Variants in SLC12A2 observed in about 807,000 individuals in gnomAD.
The protein encoded by SLC12A2 is Na-K-2Cl cotransporter 1.
A neutral mutation model predicts 136.3 loss-of-function variants in SLC12A2; 67 were observed. The ratio of observed to expected loss-of-function variants is 0.49; its 90% confidence interval spans 0.40 to 0.60. The LOEUF is 0.60. Ranked by LOEUF, SLC12A2 falls within the 20% of genes least tolerant of loss-of-function variation. The pLI is 0.00. For missense variants in SLC12A2, 1,322 were observed against 1,534.7 expected (o/e 0.86, Z 2.32); for synonymous variants, 619 against 562.9 (o/e 1.10, Z -1.41).
intron 1 of SLC12A2, among the ~76,000 whole-genome samples, chr5:128,087,273 A>G (rs1760137442): frequency 6.6e-6 from 1 of 152,214 alleles, no homozygotes; most frequent in Admixed American, 6.5e-5. Flanking sequence ...GGTATCTTAG[A>G]TGTTGACAAC....
chr5:128,143,632 T>A (rs948499320), intron 10 of SLC12A2, among the ~76,000 whole-genome samples: 2 of 152,162 alleles, frequency 1.3e-5, no homozygotes, highest in African/African-American at 4.8e-5. Context: ...AGTTGTTTGT[T>A]AAGTCCTAGG....
At position 128,138,817 on chromosome 5, in the gene SLC12A2, C is replaced by T. The variant is rs982985395; in HGVS notation, c.1537-7C>T. The T allele has an allele frequency of 3.7e-6, 6 of 1,609,602 alleles. No individual in the cohort carries two copies. The Admixed American group carries it at 1.0e-4, about 27-fold the overall frequency. The stretch of plus-strand genomic sequence containing the variant: ...GATAGACTTTAAAAAATCTTCTTGT[C>T]TTCTAGGATCCTCAGTCAGCCATAC... On this transcript the variant is annotated splice_region_variant and splice_polypyrimidine_tract_variant and intron_variant, in intron 8 of 26. Coordinates refer to ENST00000262461, the MANE Select transcript of SLC12A2 (RefSeq NM_001046.3).
chr5:128,103,628 G>A (rs890337353), intron 1 of SLC12A2, among the ~76,000 whole-genome samples: 1 of 152,036 alleles, frequency 6.6e-6, no homozygotes, highest in Non-Finnish European at 1.5e-5. Context: ...AGAAATAAAC[G>A]GGACTAAGAA....
rs1486260326 is a variant in SLC12A2 at position 128,126,962 on chromosome 5, A to ATT, written c.1049-4104_1049-4103insTT. ...CCTACATATATATATATATATATATATATATTTTTTTTTTTTTTTTTTTTT... is the reference window on the plus strand; with the variant it reads ...CCTACATATATATATATATATATATATTTATATTTTTTTTTTTTTTTTTTTTT... On this transcript the variant is annotated intron_variant, in intron 4 of 26. Coordinates refer to ENST00000262461, the MANE Select transcript of SLC12A2 (RefSeq NM_001046.3). 2.2e-3 allele frequency among the ~76,000 whole-genome samples: 52 copies of ATT among 23,302 alleles called. 4 individuals are homozygous for ATT. Among genetic ancestry groups the ATT allele is most frequent in the East Asian group, 7.4e-3 (13 of 1,762 alleles). 15.3% of individuals were successfully genotyped at this position (23,302 alleles called of 152,430 possible).
rs1195010572 is a variant in SLC12A2 at position 128,152,707 on chromosome 5, T to A, written c.2265T>A (p.Asp755Glu). ...LYIYVTYKKP[D>E]VNWGSSTQAL... Reference sequence around the variant, plus strand: ...TGCATGAACATTATCTTCCCACAGATGTGAATTGGGGATCCTCTACACAAG... The same window carrying A: ...TGCATGAACATTATCTTCCCACAGAAGTGAATTGGGGATCCTCTACACAAG... The change falls in exon 15 of 27, where the codon GAT becomes GAA. Residue 755 changes from aspartate to glutamate, a missense_variant and splice_region_variant. Coordinates refer to ENST00000262461, the MANE Select transcript of SLC12A2 (RefSeq NM_001046.3). 6.3e-7 allele frequency: 1 copy of A among 1,597,160 alleles called. No individual in the cohort carries two copies. The highest frequency in any genetic ancestry group is 1.1e-5 in the South Asian group (1 of 90,712).
intron 25 of SLC12A2, 120 bp from the exon 26 acceptor site, chr5:128,184,669 C>CA: frequency 6.7e-7 from 1 of 1,498,034 alleles, no homozygotes; most frequent in Non-Finnish European, 9.1e-7. Flanking sequence ...AAATAGAGAA[C>CA]AGATATTTTT....
chr5:128,126,357 TC>T (rs543613541), intron 4 of SLC12A2, among the ~76,000 whole-genome samples: 339 of 152,162 alleles, frequency 2.2e-3, no homozygotes, highest in Non-Finnish European at 3.9e-3. Flanking sequence ...GAAATGCAAA[TC>T]ATATAAAGAA....
At chr5:128,114,551 G>T (rs60090361) in intron 3 of SLC12A2, 35 bp from the exon 4 acceptor site, 37 of 1,363,882 alleles carry the variant, frequency 2.7e-5, no homozygotes, top group Non-Finnish European at 3.8e-5. Context: ...AAACAAGAGT[G>T]TAAGTATTCT....
intron 16 of SLC12A2, among the ~76,000 whole-genome samples, chr5:128,160,843 T>TTGTGTG (rs145223863): frequency 2.2e-4 from 33 of 147,458 alleles, no homozygotes; most frequent in African/African-American, 7.4e-4. Flanking sequence ...GGGTGTGTGT[T>TTGTGTG]TGTGTGTGTG....
chr5:128,170,663 A>G (rs539148220), intron 18 of SLC12A2: 16 of 152,320 alleles, frequency 1.1e-4, no homozygotes, highest in African/African-American at 3.4e-4. Flanking sequence ...ACGTTTTGGA[A>G]TTTAAAATTT....
At chr5:128,105,003 A>T (rs1040032636) in intron 1 of SLC12A2, among the ~76,000 whole-genome samples, 3 of 151,196 alleles carry the variant, frequency 2.0e-5, no homozygotes, top group African/African-American at 7.4e-5. Flanking sequence ...TTGACTCATT[A>T]TAACATGTGG....
At chr5:128,088,726 T>C (rs1335998035) in intron 1 of SLC12A2, among the ~76,000 whole-genome samples, 4 of 152,240 alleles carry the variant, frequency 2.6e-5, no homozygotes, top group African/African-American at 9.6e-5. Flanking sequence ...ATATGATTCC[T>C]GTATTTTTGC....
chr5:128,155,404 A>G (rs1388242144), intron 15 of SLC12A2, among the ~76,000 whole-genome samples: 3 of 151,996 alleles, frequency 2.0e-5, no homozygotes, highest in Admixed American at 6.6e-5. Flanking sequence ...CATCCTCCCA[A>G]TACATTTTAT....
At chr5:128,110,875 T>C in intron 1 of SLC12A2, 3 of 1,316,484 alleles carry the variant, frequency 2.3e-6, no homozygotes, top group Non-Finnish European at 2.2e-6. Context: ...TTTCCAGGAA[T>C]ATGCCAATTT....
chr5:128,166,768 CT>C (rs1159666825), intron 17 of SLC12A2, among the ~76,000 whole-genome samples: 1 of 151,946 alleles, frequency 6.6e-6, no homozygotes, highest in Admixed American at 6.6e-5. Context: ...ATAATTAATA[CT>C]ATTGAATTGT....
At position 128,150,156 on chromosome 5, in the gene SLC12A2, A is replaced by C. The variant is rs1407445631; in HGVS notation, c.2107+58A>C. The C allele has an allele frequency of 4.5e-6, 5 of 1,116,032 alleles. No homozygotes were observed. In the East Asian group the frequency reaches 1.2e-4, roughly 26 times the overall value. The allele number at this position is 1,116,032 out of a possible 1,614,324, so 69.1% of individuals were successfully genotyped here. ...ATCATTTTTGATTGCAAAGAAAATA[A>C]AACTTTTGCCACATTTTCAAAGATG... On this transcript the variant is annotated intron_variant, in intron 13 of 26. Coordinates refer to ENST00000262461, the MANE Select transcript of SLC12A2 (RefSeq NM_001046.3).
chr5:128,166,369 G>A (rs1351261691), intron 17 of SLC12A2, among the ~76,000 whole-genome samples: 1 of 151,992 alleles, frequency 6.6e-6, no homozygotes, highest in Non-Finnish European at 1.5e-5. Context: ...AGCAATAAAA[G>A]GGATGGATAA....
intron 1 of SLC12A2, among the ~76,000 whole-genome samples, chr5:128,087,151 A>T (rs774597656): frequency 1.3e-5 from 2 of 152,222 alleles, no homozygotes; most frequent in Non-Finnish European, 2.9e-5. Flanking sequence ...TTTTGTCTAG[A>T]TGTCCAACTG....
At chr5:128,184,663 A>G in intron 25 of SLC12A2, 126 bp from the exon 26 acceptor site, 1 of 1,490,086 alleles carries the variant, frequency 6.7e-7, no homozygotes, top group South Asian at 1.3e-5. Flanking sequence ...AAATAAAAAT[A>G]GAGAACAGAT....
Sources: allele counts gnomAD v4.1 joint callset (sites outside exome capture counted in the v4.1 genomes callset), GRCh38; gene constraint gnomAD v4.1.1; transcripts MANE v1.5; gene names NCBI Gene and HGNC (gene_info 2026-07-23, HGNC 2026-07-21).